SEC24B: variants seen among roughly 807,000 people sequenced by gnomAD.
SEC24B encodes protein transport protein Sec24B.
Under a neutral mutation model 142.8 loss-of-function variants are expected in SEC24B, and 45 were observed. The observed-to-expected ratio is 0.32, with a 90% CI of 0.25 to 0.40. SEC24B has a LOEUF of 0.40. Ranked by LOEUF, SEC24B falls within the 10% of genes least tolerant of loss-of-function variation. SEC24B has a pLI of 1.00. For missense variants in SEC24B, 1,409 were observed against 1,526.8 expected (o/e 0.92, Z 1.29); for synonymous variants, 574 against 568.2 (o/e 1.01, Z -0.15).
chr4:109,495,641 G>A (rs539481536), intron 6 of SEC24B, among the ~76,000 whole-genome samples: 1 of 152,216 alleles, frequency 6.6e-6, no homozygotes, highest in South Asian at 2.1e-4. Context: ...TGAGGCCTTG[G>A]GGGAAAGGCT....
intron 3 of SEC24B, among the ~76,000 whole-genome samples, chr4:109,477,801 A>T (rs1166665452): frequency 1.3e-5 from 2 of 152,196 alleles, no homozygotes; most frequent in Non-Finnish European, 2.9e-5. Flanking sequence ...TGTTAAAAGG[A>T]TGTAGAAAGT....
chr4:109,518,677 G>A (rs1371740654), intron 11 of SEC24B, among the ~76,000 whole-genome samples: 1 of 152,078 alleles, frequency 6.6e-6, no homozygotes, highest in Non-Finnish European at 1.5e-5. Context: ...AATCCTTGAA[G>A]TATTTGCCCC....
At chr4:109,525,068 C>T (rs1457662421) in intron 15 of SEC24B, 127 bp downstream of exon 15, 1 of 833,786 alleles carries the variant, frequency 1.2e-6, no homozygotes, top group Non-Finnish European at 1.8e-6. Context: ...TAGACAATAT[C>T]TATGAAAACT....
In SEC24B at chr4:109,481,732, G is replaced by T. The variant is rs2125983627; in HGVS notation, c.1116G>T (p.Leu372Phe). ...AAGCTAGCTCCGCACCAACTCCCTT[G>T]TCATCAACTTCCGATGATGAGGAAG... ...NNQASSAPTPLSSTSDDEEEE... is the reference protein window; with the variant it reads ...NNQASSAPTPFSSTSDDEEEE... The change falls in exon 4 of 24, where the codon TTG becomes TTT. Residue 372 changes from leucine (L) to phenylalanine (F), a missense_variant. By Grantham distance (22) the Leu-to-Phe change is conservative. This residue lies in a region of SEC24B where 709 missense variants were observed against 673.5 expected (regional missense o/e 1.05). Coordinates refer to ENST00000265175, the MANE Select transcript of SEC24B (RefSeq NM_006323.5). 1 of 1,613,818 alleles carries T rather than the reference G, an allele frequency of 6.2e-7. No homozygotes were observed. The highest frequency in any genetic ancestry group is 1.1e-5 in the South Asian group (1 of 91,054).
At chr4:109,526,068 GA>G (rs1400170011) in intron 16 of SEC24B, among the ~76,000 whole-genome samples, 157 bp from the exon 17 acceptor site, 1 of 151,950 alleles carries the variant, frequency 6.6e-6, no homozygotes, top group East Asian at 1.9e-4. Context: ...TAGTTTTTTT[GA>G]ATTAATATTT....
chr4:109,452,872 T>TTTTTA (rs888959448), intron 1 of SEC24B, among the ~76,000 whole-genome samples: 3 of 152,372 alleles, frequency 2.0e-5, no homozygotes, highest in African/African-American at 7.2e-5. Context: ...CTGTGTCTTA[T>TTTTTA]TTTTATTTTA....
chr4:109,521,854 C>G (rs1032300597), intron 14 of SEC24B, among the ~76,000 whole-genome samples: 1 of 151,846 alleles, frequency 6.6e-6, no homozygotes, highest in Admixed American at 6.6e-5. Flanking sequence ...GCTTCAGCCT[C>G]CTGAGTAGCT....
chr4:109,476,425 T>C (rs1733148770), intron 3 of SEC24B, among the ~76,000 whole-genome samples: 1 of 152,212 alleles, frequency 6.6e-6, no homozygotes, highest in African/African-American at 2.4e-5. Context: ...CTCCCCACTA[T>C]AGTTTTGTAT....
intron 3 of SEC24B, among the ~76,000 whole-genome samples, chr4:109,478,631 C>T (rs1169045010): frequency 6.6e-6 from 1 of 152,102 alleles, no homozygotes; most frequent in African/African-American, 2.4e-5. Context: ...GGAGTTGAAC[C>T]CAGAGTCCTC....
intron 6 of SEC24B, among the ~76,000 whole-genome samples, chr4:109,500,544 TAA>T (rs749051623): frequency 1.9e-4 from 19 of 101,104 alleles, no homozygotes; most frequent in Admixed American, 5.5e-4. Flanking sequence ...GACTCCATCT[TAA>T]AAAAAAAAAA....
At chr4:109,450,244 T>G (rs1729918486) in intron 1 of SEC24B, among the ~76,000 whole-genome samples, 2 of 152,032 alleles carry the variant, frequency 1.3e-5, no homozygotes, top group Admixed American at 6.6e-5. Context: ...GGAATTAAAC[T>G]CTACCTGCTG....
chr4:109,540,206 TC>T lies in SEC24B; in HGVS notation c.*532del, dbSNP rs907250321. 2.6e-5 allele frequency: 4 copies of T among 152,724 alleles called. No homozygotes were observed. Among genetic ancestry groups the T allele is most frequent in the African/African-American group, 9.7e-5 (4 of 41,444 alleles). 9.5% of individuals were successfully genotyped at this position (152,724 alleles called of 1,614,324 possible). A position where few individuals can be genotyped will look rare whatever the true frequency, so the allele number is the denominator to read the frequency against. The stretch of plus-strand genomic sequence containing the variant: ...TCAGTACATGAACTATAGAAAAAAA[TC>T]TATATATAATGTACATAAATGTTAC... On this transcript the variant is annotated 3_prime_UTR_variant, in exon 24 of 24. Coordinates refer to ENST00000265175, the MANE Select transcript of SEC24B (RefSeq NM_006323.5).
chr4:109,455,683 C>T (rs964682389), intron 1 of SEC24B, among the ~76,000 whole-genome samples: 2 of 152,148 alleles, frequency 1.3e-5, no homozygotes, highest in Admixed American at 6.6e-5. Context: ...GCCTTGGCAC[C>T]TTTGTCAAAA....
At position 109,517,982 on chromosome 4, in the gene SEC24B, T is replaced by TA. The variant is rs1197554232; in HGVS notation, c.2126+1342_2126+1343insA. Among the ~76,000 whole-genome samples the TA allele has an allele frequency of 1.5e-3, 208 of 137,250 alleles. 3 individuals are homozygous for TA. Among genetic ancestry groups the TA allele is most frequent in the African/African-American group, 6.4e-3 (197 of 30,926 alleles). 90.0% of individuals were successfully genotyped at this position (137,250 alleles called of 152,430 possible). ...TTATTTATTTATTTATTTATTTATT[T>TA]TTTGAGACAGAGTCTCGCTCTGTTG... On this transcript the variant is annotated intron_variant, in intron 11 of 23. Coordinates refer to ENST00000265175, the MANE Select transcript of SEC24B (RefSeq NM_006323.5).
intron 16 of SEC24B, among the ~76,000 whole-genome samples, chr4:109,525,830 C>T (rs1724161320): frequency 6.6e-6 from 1 of 152,102 alleles, no homozygotes; most frequent in Non-Finnish European, 1.5e-5. Flanking sequence ...CCTTCATAAT[C>T]ATTTAATGTA....
intron 11 of SEC24B, among the ~76,000 whole-genome samples, chr4:109,517,304 A>T (rs1723043931): frequency 6.6e-6 from 1 of 151,900 alleles, no homozygotes. Context: ...TAAAAAGAAA[A>T]TTTTTTCTCA....
At chr4:109,521,345 C>T in intron 13 of SEC24B, 75 bp from the exon 14 acceptor site, 2 of 1,279,874 alleles carry the variant, frequency 1.6e-6, no homozygotes, top group Non-Finnish European at 2.2e-6. Context: ...ACACATGATA[C>T]ACTATGGAAT....
chr4:109,464,008 C>T (rs1355885253), intron 2 of SEC24B, among the ~76,000 whole-genome samples: 1 of 152,146 alleles, frequency 6.6e-6, no homozygotes, highest in Non-Finnish European at 1.5e-5. Context: ...AACCTTGGGA[C>T]AGTTGTTTTT....
chr4:109,533,537 A>G, intron 21 of SEC24B, 56 bp from the exon 22 acceptor site: 3 of 1,066,382 alleles, frequency 2.8e-6, no homozygotes, highest in Non-Finnish European at 2.9e-6. Context: ...GAGAACATTA[A>G]TGAAAATGAA....
Sources: allele counts gnomAD v4.1 joint callset (sites outside exome capture counted in the v4.1 genomes callset), GRCh38; gene constraint gnomAD v4.1.1; regional missense constraint gnomAD v4.1.1; transcripts MANE v1.5; gene names NCBI Gene and HGNC (gene_info 2026-07-23, HGNC 2026-07-21).